H6PD: variants seen among roughly 807,000 people sequenced by gnomAD.
H6PD encodes hexose-6-phosphate dehydrogenase/glucose 1-dehydrogenase, also known as GDH/6PGL endoplasmic bifunctional protein.
H6PD carries 48 observed loss-of-function variants against 61.2 expected under a neutral mutation model. The ratio of observed to expected loss-of-function variants is 0.78; its 90% CI spans 0.62 to 1.00. The LOEUF (loss-of-function observed/expected upper bound fraction) is 1.00. Ranked by LOEUF, H6PD falls within the 50% of genes least tolerant of loss-of-function variation. The pLI is 0.00. For synonymous variants in H6PD, 480 were observed against 457.9 expected (o/e 1.05, Z -0.62); for missense variants, 1,093 against 1,065.0 (o/e 1.03, Z -0.37).
chr1:9,237,810 A>T (rs1440122044), intron 1 of H6PD, among the ~76,000 whole-genome samples: 1 of 152,184 alleles, frequency 6.6e-6, no homozygotes. Context: ...TCAAATGCAG[A>T]AATGACAGTG....
At position 9,269,023 on chromosome 1, in the gene H6PD, C is replaced by T. The variant is rs1446075484; in HGVS notation, c.*4154C>T. On this transcript the variant is annotated 3_prime_UTR_variant, in exon 5 of 5. Transcript: ENST00000377403. This position sits in a 1 kb window ranked among gnomAD's most constrained non-coding sequence, Gnocchi z 4.3. ...TTTTTATCTTAAGCACATGGGGCTC[C>T]CTTAGAACTTACTCCACTGATTTAA... is the stretch of plus-strand genomic sequence containing the variant. 6.7e-6 allele frequency: 1 copy of T among 150,272 alleles called. No homozygotes were observed. The highest frequency in any genetic ancestry group is 1.5e-5 in the Non-Finnish European group (1 of 67,444). The allele number at this position is 150,272 out of a possible 1,614,324, so 9.3% of individuals were successfully genotyped here. A position where few individuals can be genotyped will look rare whatever the true frequency, so the allele number is the denominator to read the frequency against.
intron 2 of H6PD, 37 bp from the exon 3 acceptor site, chr1:9,246,929 G>C: frequency 7.1e-7 from 1 of 1,412,762 alleles, no homozygotes; most frequent in African/African-American, 1.4e-5. Flanking sequence ...CATCGTGAGA[G>C]TATCCTGCAG....
rs1638326008 is a variant in H6PD, at chr1:9,262,091, A to T, written c.778A>T (p.Ile260Phe). The T allele has an allele frequency of 1.9e-6, 3 of 1,614,170 alleles. No homozygotes were observed. The highest frequency in any genetic ancestry group is 1.7e-6 in the Non-Finnish European group (2 of 1,180,028). The change falls in exon 4 of 5, where the codon ATT (isoleucine) becomes TTT (phenylalanine). Residue 260 changes from isoleucine (I) to phenylalanine (F), a missense_variant. By Grantham distance (21) the Ile-to-Phe change is conservative (BLOSUM62 0). Transcript: ENST00000377403. ...CAGCTTCTATGAGGAGTACGGTGTC[A>T]TTCGCGACGTCCTCCAGAACCATCT... Reference protein sequence around the residue: ...RTSFYEEYGVIRDVLQNHLTE... With the variant: ...RTSFYEEYGVFRDVLQNHLTE...
intron 3 of H6PD, among the ~76,000 whole-genome samples, chr1:9,256,852 A>C (rs1001581918): frequency 1.3e-5 from 2 of 152,032 alleles, no homozygotes; most frequent in African/African-American, 4.8e-5. Context: ...CAAATTGTGG[A>C]TAGATTATTC....
In H6PD at chr1:9,261,094, G is replaced by T. The variant is rs147203877; in HGVS notation, c.746-965G>T. ...CAGGCCCTGTCGTCTCTGCTGGGCA[G>T]CTGTGCAGCCTCTTCCTTGCCTTCC... On this transcript the variant is annotated intron_variant, in intron 3 of 4. Transcript: ENST00000377403. Among the ~76,000 whole-genome samples, 189 of 152,200 alleles carry T rather than the reference G, an allele frequency of 1.2e-3. 1 individual carries two copies. The highest frequency in any genetic ancestry group is 4.5e-3 in the African/African-American group (188 of 41,504).
intron 1 of H6PD, among the ~76,000 whole-genome samples, chr1:9,239,517 G>T (rs531910925): frequency 6.6e-6 from 1 of 152,236 alleles, no homozygotes; most frequent in East Asian, 1.9e-4. Flanking sequence ...CAGGAAGATT[G>T]CAAAAAACAG....
chr1:9,242,210 T>A (rs557233985), intron 1 of H6PD, among the ~76,000 whole-genome samples: 7 of 152,228 alleles, frequency 4.6e-5, no homozygotes, highest in African/African-American at 1.7e-4. Context: ...GTCTCACTAC[T>A]CAAAGTGTGC....
rs72855984 is a variant in H6PD at position 9,265,308 on chromosome 1, G to A, written c.*439G>A. 2.3e-3 allele frequency: 779 copies of A among 343,058 alleles called. 4 individuals carry two copies. Among genetic ancestry groups the A allele is most frequent in the African/African-American group, 0.016 (747 of 46,800 alleles). 21.3% of individuals were successfully genotyped at this position (343,058 alleles called of 1,614,324 possible). A position where few individuals can be genotyped will look rare whatever the true frequency, so the allele number is the denominator to read the frequency against. On this transcript the variant is annotated 3_prime_UTR_variant, in exon 5 of 5. Coordinates refer to ENST00000377403, the MANE Select transcript of H6PD (RefSeq NM_004285.4). ...CCCGGGGAACATTCAGAGCATGATT[G>A]GTAGACAGAAGGGTGCAGAGGCGCC...
At chr1:9,255,005 G>A (rs1025558335) in intron 3 of H6PD, among the ~76,000 whole-genome samples, 1 of 152,184 alleles carries the variant, frequency 6.6e-6, no homozygotes, top group Admixed American at 6.5e-5. Context: ...GTTCACCCAT[G>A]TTCTAGCATG....
At chr1:9,242,784 C>G in intron 1 of H6PD, 1 of 985,504 alleles carries the variant, frequency 1.0e-6, no homozygotes, top group Non-Finnish European at 1.2e-6. Flanking sequence ...CGCAGCCTGC[C>G]AGCTGGCGGC....
chr1:9,244,505 G>A (rs544641926), intron 1 of H6PD, among the ~76,000 whole-genome samples: 1 of 152,282 alleles, frequency 6.6e-6, no homozygotes, highest in Admixed American at 6.5e-5. Flanking sequence ...TCCAACTGTC[G>A]CCTGAGGACC....
At chr1:9,241,608 C>T (rs926701144) in intron 1 of H6PD, among the ~76,000 whole-genome samples, 2 of 152,146 alleles carry the variant, frequency 1.3e-5, no homozygotes, top group African/African-American at 4.8e-5. Context: ...CTGTGTTGCC[C>T]AGGCTGGTCT....
rs116966720 is a variant in H6PD at position 9,251,617 on chromosome 1, G to T, written c.745+4534G>T. 7.4e-4 allele frequency among the ~76,000 whole-genome samples: 112 copies of T among 152,268 alleles called. No individual in the cohort carries two copies. The East Asian group carries it at 0.017, about 23-fold the overall frequency. On this transcript the variant is annotated intron_variant, in intron 3 of 4. Transcript: ENST00000377403. ...TCTCACCGAGGGACCAGGGCATCCA[G>T]GGTCCTTCCAGGCACACACCAGCTG...
chr1:9,240,346 C>T (rs1055660742), intron 1 of H6PD, among the ~76,000 whole-genome samples: 59 of 152,270 alleles, frequency 3.9e-4, no homozygotes, highest in African/African-American at 1.3e-3. Context: ...TCTCTGTTTC[C>T]CTGCCTGGCT....
chr1:9,250,338 G>A (rs1641319308), intron 3 of H6PD, among the ~76,000 whole-genome samples: 1 of 151,854 alleles, frequency 6.6e-6, no homozygotes, highest in Admixed American at 6.6e-5. Flanking sequence ...GCTAATCAGA[G>A]GGGTCAAAGT....
rs551529970 is a variant in H6PD, at chr1:9,263,139, C to T, written c.1016-370C>T. On this transcript the variant is annotated intron_variant, in intron 4 of 4. Transcript: ENST00000377403. ...GGGAAGCACGTTTCTCTGTAGGACC[C>T]CCTGACCCCTCAAATACCTAAGAGT... Among the ~76,000 whole-genome samples the T allele has an allele frequency of 2.2e-3, 338 of 151,658 alleles. 2 individuals carry two copies. The highest frequency in any genetic ancestry group is 8.0e-3 in the African/African-American group (329 of 41,000).
chr1:9,262,259 T>TA lies in H6PD; in HGVS notation c.947dup (p.Tyr316Ter), dbSNP rs772275033. 1 of 1,612,386 alleles carries TA rather than the reference T, an allele frequency of 6.2e-7. No homozygotes were observed. The highest frequency in any genetic ancestry group is 1.1e-5 in the South Asian group (1 of 90,732). Residue 316 changes from tyrosine (Y) to a stop codon, truncating the protein, a stop_gained and frameshift_variant, in exon 4 of 5, where the codon TAC (tyrosine) becomes TAAC (stop). Coordinates refer to ENST00000377403, the MANE Select transcript of H6PD (RefSeq NM_004285.4). LOFTEE classifies it high-confidence loss of function. Reference sequence around the variant, plus strand: ...TGCCGTCGTGGGCCAGTACCAGTCTTACAGTGAGCAGGTGCGCAGAGAGCT... The same window carrying TA: ...TGCCGTCGTGGGCCAGTACCAGTCTTAACAGTGAGCAGGTGCGCAGAGAGCT... ...GSAVVGQYQSYSEQVRRELQK... is the reference protein window; with the variant it reads ...GSAVVGQYQS
intron 2 of H6PD, among the ~76,000 whole-genome samples, chr1:9,246,680 T>G (rs560891529): frequency 2.5e-4 from 38 of 152,352 alleles, no homozygotes; most frequent in Non-Finnish European, 4.1e-4. Context: ...GCTACATTTT[T>G]GGTGTTAAAC....
At chr1:9,236,124 G>A (rs1282499688) in intron 1 of H6PD, among the ~76,000 whole-genome samples, 2 of 152,102 alleles carry the variant, frequency 1.3e-5, no homozygotes, top group Admixed American at 1.3e-4. Flanking sequence ...GAGTGGCTGG[G>A]ATTACAGGCG....
Sources: gnomAD v4.1 joint callset for allele counts (sites outside exome capture counted in the v4.1 genomes callset) on GRCh38, gnomAD v4.1.1 for gene constraint, Gnocchi (gnomAD v3.1) non-coding constraint, MANE v1.5 for transcripts, NCBI Gene and HGNC (gene_info 2026-07-23, HGNC 2026-07-21) for gene names.